Variants in ERBB4 observed in about 807,000 individuals in gnomAD.
ERBB4 encodes erb-b2 receptor tyrosine kinase 4.
ERBB4 carries 42 observed loss-of-function variants against 158.0 expected under a neutral mutation model. The ratio of observed to expected loss-of-function variants is 0.27; its 90% CI spans 0.21 to 0.34. The LOEUF (loss-of-function observed/expected upper bound fraction) is 0.34. Ranked by LOEUF, ERBB4 falls within the 10% of genes least tolerant of loss-of-function variation. ERBB4 has a pLI of 1.00. For synonymous variants in ERBB4, 583 were observed against 558.7 expected (o/e 1.04, Z -0.61); for missense variants, 1,333 against 1,624.1 (o/e 0.82, Z 3.08).
At chr2:211,579,457 T>TA (rs879421822) in intron 19 of ERBB4, among the ~76,000 whole-genome samples, 1 of 152,050 alleles carries the variant, frequency 6.6e-6, no homozygotes, top group Admixed American at 6.6e-5. Context: ...GGTATGTACC[T>TA]AAAGGAATAT....
At chr2:212,122,275 G>A (rs2079778800) in intron 2 of ERBB4, among the ~76,000 whole-genome samples, 1 of 151,758 alleles carries the variant, frequency 6.6e-6, no homozygotes, top group South Asian at 2.1e-4. Context: ...TTGTTTACTT[G>A]GGATTGCAGA....
At chr2:212,315,399 A>G (rs1050737241) in intron 1 of ERBB4, among the ~76,000 whole-genome samples, 3 of 151,434 alleles carry the variant, frequency 2.0e-5, no homozygotes, top group African/African-American at 7.3e-5. Flanking sequence ...AGACACACAT[A>G]CACAAGTATA....
chr2:212,398,785 A>T (rs1432325897), intron 1 of ERBB4, among the ~76,000 whole-genome samples: 2 of 152,208 alleles, frequency 1.3e-5, no homozygotes, highest in Non-Finnish European at 2.9e-5. Context: ...ATCTTAAAAA[A>T]AAAGTGATTA....
intron 1 of ERBB4, among the ~76,000 whole-genome samples, chr2:212,157,291 T>C (rs1412150751): frequency 6.6e-6 from 1 of 152,064 alleles, no homozygotes; most frequent in Non-Finnish European, 1.5e-5. Flanking sequence ...ATGTTATCCC[T>C]GGCACCTCTA....
chr2:212,191,331 T>C (rs1169108549), intron 1 of ERBB4, among the ~76,000 whole-genome samples: 3 of 152,094 alleles, frequency 2.0e-5, no homozygotes, highest in African/African-American at 7.2e-5. Flanking sequence ...TAACGAATCA[T>C]CCATTTTTTT....
At chr2:211,919,795 C>T (rs1031209800) in intron 3 of ERBB4, among the ~76,000 whole-genome samples, 5 of 151,832 alleles carry the variant, frequency 3.3e-5, no homozygotes, top group Admixed American at 6.6e-5. Context: ...GGAATAGGGC[C>T]GAGGCAGGCA....
chr2:212,299,356 T>A (rs1001899143), intron 1 of ERBB4, among the ~76,000 whole-genome samples: 5 of 151,728 alleles, frequency 3.3e-5, no homozygotes, highest in African/African-American at 1.2e-4. Flanking sequence ...ATGCAATGAT[T>A]ATCTTCTCAA....
intron 16 of ERBB4, among the ~76,000 whole-genome samples, chr2:211,633,317 T>C (rs1379586774): frequency 6.6e-6 from 1 of 152,020 alleles, no homozygotes; most frequent in Non-Finnish European, 1.5e-5. Context: ...AGATTCGGTT[T>C]CCAAACAGTA....
At chr2:212,295,623 G>A (rs1019578022) in intron 1 of ERBB4, among the ~76,000 whole-genome samples, 1 of 152,014 alleles carries the variant, frequency 6.6e-6, no homozygotes, top group Non-Finnish European at 1.5e-5. Context: ...TCAAATTCCT[G>A]TTCCGTTGCT....
At chr2:211,399,391 G>A (rs2062986983) in intron 25 of ERBB4, among the ~76,000 whole-genome samples, 1 of 152,142 alleles carries the variant, frequency 6.6e-6, no homozygotes, top group Non-Finnish European at 1.5e-5. Context: ...CCCAAAGAGT[G>A]GCTCTATTGA....
At chr2:212,220,744 T>C (rs1343355133) in intron 1 of ERBB4, among the ~76,000 whole-genome samples, 1 of 151,474 alleles carries the variant, frequency 6.6e-6, no homozygotes, top group African/African-American at 2.4e-5. Flanking sequence ...AGTCAAATAA[T>C]AATGCTGGGG....
At chr2:212,260,081 A>AAAAAGAAAAG (rs1553606476) in intron 1 of ERBB4, among the ~76,000 whole-genome samples, 16 of 148,740 alleles carry the variant, frequency 1.1e-4, no homozygotes, top group South Asian at 2.1e-4. Flanking sequence ...AAAAAAAAAA[A>AAAAAGAAAAG]AAAAGAAAAG....
At chr2:212,410,234 A>T (rs80019215) in intron 1 of ERBB4, among the ~76,000 whole-genome samples, 3,695 of 146,464 alleles carry the variant, frequency 0.025, 101 homozygotes, top group East Asian at 0.057. Context: ...TCTGTAATGT[A>T]TTTATTGCTA....
intron 1 of ERBB4, among the ~76,000 whole-genome samples, chr2:212,485,470 G>A (rs546029252): frequency 1.5e-4 from 23 of 152,216 alleles, no homozygotes; most frequent in African/African-American, 5.1e-4. Flanking sequence ...GAACAGCTAC[G>A]GAATGAATTG....
chr2:211,822,754 CTG>C (rs1441614192), intron 3 of ERBB4, among the ~76,000 whole-genome samples: 1 of 151,978 alleles, frequency 6.6e-6, no homozygotes, highest in Non-Finnish European at 1.5e-5. Flanking sequence ...ATCAATATAA[CTG>C]TGGTAAATCG....
intron 1 of ERBB4, among the ~76,000 whole-genome samples, chr2:212,436,114 G>A (rs113893525): frequency 1.3e-4 from 19 of 151,828 alleles, no homozygotes; most frequent in African/African-American, 3.6e-4. Context: ...TAGAGAAAAC[G>A]AGAAATTGAT....
At chr2:212,518,621 AT>A (rs1338150119) in intron 1 of ERBB4, among the ~76,000 whole-genome samples, 1 of 152,200 alleles carries the variant, frequency 6.6e-6, no homozygotes, top group Non-Finnish European at 1.5e-5. Flanking sequence ...TTAGAAAAAA[AT>A]GTGATCTTTT....
At chr2:212,041,403 T>G (rs559784378) in intron 2 of ERBB4, among the ~76,000 whole-genome samples, 6 of 152,134 alleles carry the variant, frequency 3.9e-5, no homozygotes, top group African/African-American at 9.6e-5. Context: ...TAATCCTCTA[T>G]CAGAAGGAAC....
At chr2:211,745,736 A>AAAAC (rs2074951366) in intron 5 of ERBB4, among the ~76,000 whole-genome samples, 1 of 71,674 alleles carries the variant, frequency 1.4e-5, no homozygotes, top group Non-Finnish European at 3.8e-5. Flanking sequence ...AAAACAAAAC[A>AAAAC]AAAAAAACCC....
Sources: gnomAD v4.1 joint callset for allele counts (sites outside exome capture counted in the v4.1 genomes callset) on GRCh38, gnomAD v4.1.1 for gene constraint, MANE v1.5 for transcripts, NCBI Gene and HGNC (gene_info 2026-07-23, HGNC 2026-07-21) for gene names.